TTLL4: variants seen among roughly 807,000 people sequenced by gnomAD.
TTLL4 encodes the protein tubulin monoglutamylase TTLL4.
In TTLL4, 85 loss-of-function variants were observed where a neutral mutation model predicts 122.7. That is an observed-to-expected ratio of 0.69 (90% confidence interval 0.58 to 0.83). The LOEUF is 0.83. TTLL4 is among the 40% of genes least tolerant of loss of function. The pLI is 0.00. For missense variants in TTLL4, 1,363 were observed against 1,488.6 expected (o/e 0.92, Z 1.39); for synonymous variants, 553 against 563.0 (o/e 0.98, Z 0.25).
At chr2:218,735,173 G>A (rs1168221661) in intron 2 of TTLL4, among the ~76,000 whole-genome samples, 1 of 152,132 alleles carries the variant, frequency 6.6e-6, no homozygotes, top group African/African-American at 2.4e-5. Context: ...GCTGTAGACA[G>A]GAATCTTAGT....
intron 3 of TTLL4, among the ~76,000 whole-genome samples, 200 bp from the exon 4 acceptor site, chr2:218,739,858 G>C (rs1484798475): frequency 6.6e-6 from 1 of 152,242 alleles, no homozygotes; most frequent in Non-Finnish European, 1.5e-5. Flanking sequence ...CCTCTTTGCA[G>C]AATGGGAGAT....
chr2:218,733,190 C>G (rs146454450), intron 2 of TTLL4, among the ~76,000 whole-genome samples: 277 of 152,232 alleles, frequency 1.8e-3, no homozygotes, highest in African/African-American at 6.5e-3. Flanking sequence ...ATCCAACTTG[C>G]TATACTACAC....
Position 218,749,299 on chromosome 2 carries a change from C to G in TTLL4, c.2647C>G (p.Pro883Ala), listed in dbSNP as rs1357317128. The G allele has an allele frequency of 6.2e-7, 1 of 1,614,122 alleles. No individual in the cohort carries two copies. The highest frequency in any genetic ancestry group is 1.3e-5 in the African/African-American group (1 of 75,022). ...TSLLKMYVRRPYSCHELFGFD... is the reference protein window; with the variant it reads ...TSLLKMYVRRAYSCHELFGFD... ...CCTGCTCAAGATGTATGTGCGACGG[C>G]CCTATAGCTGCCATGAACTCTTTGG... The change falls in exon 14 of 20, where the codon CCC becomes GCC. Residue 883 changes from proline to alanine, a missense_variant. Coordinates refer to ENST00000392102, the MANE Select transcript of TTLL4 (RefSeq NM_014640.5).
chr2:218,752,751 C>G lies in TTLL4; in HGVS notation c.2977-12C>G, dbSNP rs1441654795. 6.2e-7 allele frequency: 1 copy of G among 1,614,028 alleles called. No homozygotes were observed. The highest frequency in any genetic ancestry group is 2.2e-5 in the East Asian group (1 of 44,872). On this transcript the variant is annotated splice_polypyrimidine_tract_variant and intron_variant, in intron 16 of 19. Coordinates refer to ENST00000392102, the MANE Select transcript of TTLL4 (RefSeq NM_014640.5). ...TCTCACACCCTTTTTCTCCCTGTTC[C>G]TTGGACCACAGGACTTCTATGCATC...
At position 218,749,373 on chromosome 2, in the gene TTLL4, C is replaced by G; in HGVS notation, c.2721C>G (p.Val907=). ...ACCTCAAGCCCTGGGTCCTGGAAGT[C>G]AACATTTCCCCAAGGTAGGTGGTAT... The part of the protein sequence containing the change: ...DENLKPWVLE[V]NISPSLHSSS... Residue 907 remains valine, a synonymous_variant, in exon 14 of 20, where the codon GTC becomes GTG. Coordinates refer to ENST00000392102, the MANE Select transcript of TTLL4 (RefSeq NM_014640.5). 6.2e-7 allele frequency: 1 copy of G among 1,614,074 alleles called. No homozygotes were observed. The highest frequency in any genetic ancestry group is 8.5e-7 in the Non-Finnish European group (1 of 1,180,002).
In TTLL4 at chr2:218,751,562, A is replaced by G. The variant is rs1943014397; in HGVS notation, c.2874-142A>G. 9 of 1,342,184 alleles carry G rather than the reference A, an allele frequency of 6.7e-6. 1 individual carries two copies. Among genetic ancestry groups the G allele is most frequent in the East Asian group, 5.7e-5 (2 of 34,804 alleles). 83.1% of individuals were successfully genotyped at this position (1,342,184 alleles called of 1,614,324 possible). ...CTTCTGGGGAGTGCATTTTAGTCCAACCTACTACTCAAGTAACCTCTGTTC... is the reference window on the plus strand; with the variant it reads ...CTTCTGGGGAGTGCATTTTAGTCCAGCCTACTACTCAAGTAACCTCTGTTC... On this transcript the variant is annotated intron_variant, in intron 15 of 19. Transcript: ENST00000392102.
chr2:218,748,654 C>CAAAAAA (rs570493846), intron 12 of TTLL4, 182 bp from the exon 13 acceptor site: 15 of 229,544 alleles, frequency 6.5e-5, no homozygotes, highest in African/African-American at 1.7e-4. Flanking sequence ...AACTCCATCT[C>CAAAAAA]AAAAAAAAAA....
chr2:218,757,182 C>T (rs974156672), downstream of TTLL4, among the ~76,000 whole-genome samples: 1 of 152,192 alleles, frequency 6.6e-6, no homozygotes, highest in East Asian at 1.9e-4. Context: ...GCCCTGTGCC[C>T]TAGGTGGGAA....
chr2:218,725,656 A>G (rs899768519), intron 1 of TTLL4, among the ~76,000 whole-genome samples: 7 of 151,800 alleles, frequency 4.6e-5, no homozygotes, highest in African/African-American at 1.7e-4. Context: ...CCTGGGTTCA[A>G]GCAATTCTCC....
intron 16 of TTLL4, 104 bp downstream of exon 16, chr2:218,751,910 CT>C (rs552683126): frequency 0.1 from 43,765 of 426,064 alleles, 950 homozygotes; most frequent in African/African-American, 0.24. Flanking sequence ...TTTTCTTTTT[CT>C]TTTTTTTTTT....
At chr2:218,745,649 C>A in intron 6 of TTLL4, 42 bp from the exon 7 acceptor site, 1 of 1,331,172 alleles carries the variant, frequency 7.5e-7, no homozygotes, top group Non-Finnish European at 1.1e-6. Flanking sequence ...ACTCTCTGCT[C>A]CTCTCCATCC....
chr2:218,731,803 C>A (rs1007843789), intron 2 of TTLL4, among the ~76,000 whole-genome samples: 1 of 152,206 alleles, frequency 6.6e-6, no homozygotes, highest in Non-Finnish European at 1.5e-5. Flanking sequence ...TGTCATGAGT[C>A]ACCACAAGGC....
intron 1 of TTLL4, among the ~76,000 whole-genome samples, chr2:218,712,713 C>T (rs867101676): frequency 6.6e-6 from 1 of 151,972 alleles, no homozygotes; most frequent in Admixed American, 6.6e-5. Flanking sequence ...CTAAAACTTC[C>T]CTTACAAAAA....
Position 218,745,137 on chromosome 2 carries a change from C to T in TTLL4, c.1690C>T (p.Leu564Phe). The stretch of plus-strand genomic sequence containing the variant: ...CTGTATGGAAATTCTGACCAAACCC[C>T]TTTCCAATCATGAGAAAGTTGTCCG... ...RSCMEILTKPLSNHEKVVRPA... is the reference protein window; with the variant it reads ...RSCMEILTKPFSNHEKVVRPA... Residue 564 changes from leucine (L) to phenylalanine (F), a missense_variant, in exon 6 of 20, where the codon CTT becomes TTT. Physicochemically the swap from Leu to Phe is conservative, Grantham distance 22 (BLOSUM62 0). Coordinates refer to ENST00000392102, the MANE Select transcript of TTLL4 (RefSeq NM_014640.5). The T allele has an allele frequency of 1.2e-6, 2 of 1,614,028 alleles. No homozygotes were observed. Among genetic ancestry groups the T allele is most frequent in the Non-Finnish European group, 1.7e-6 (2 of 1,179,970 alleles).
chr2:218,748,115 T>A lies in TTLL4; in HGVS notation c.2389T>A (p.Ser797Thr), dbSNP rs1248621963. ...VRFASCKYSP[S>T]MKSLGNKFMH... ...TTTCCTTACTTCCAGGTATTCGCCT[T>A]CCATGAAGAGCCTTGGCAATAAGTT... The change falls in exon 12 of 20, where the codon TCC becomes ACC. Residue 797 changes from serine (S) to threonine (T), a missense_variant. Ser to Thr is a moderately conservative substitution (Grantham distance 58). Transcript: ENST00000392102. The A allele has an allele frequency of 6.2e-7, 1 of 1,614,132 alleles. No homozygotes were observed. The highest frequency in any genetic ancestry group is 1.1e-5 in the South Asian group (1 of 91,080).
At position 218,738,687 on chromosome 2, in the gene TTLL4, T is replaced by A. The variant is rs1352753902; in HGVS notation, c.1011T>A (p.Thr337=). Residue 337 remains threonine (T), a synonymous_variant, in exon 3 of 20, where the codon ACT becomes ACA. Coordinates refer to ENST00000392102, the MANE Select transcript of TTLL4 (RefSeq NM_014640.5). ...SQDPTKEIRF[T]EAVRKLTARG... ...ATCCAACTAAGGAGATTCGGTTCAC[T>A]GAGGCCGTGAGGAAATTGACCGCAA... The A allele has an allele frequency of 6.2e-7, 1 of 1,614,112 alleles. No individual in the cohort carries two copies. Among genetic ancestry groups the A allele is most frequent in the Admixed American group, 1.7e-5 (1 of 60,006 alleles).
Position 218,729,732 on chromosome 2 carries a change from C to T in TTLL4, c.-99+2385C>T, listed in dbSNP as rs1575165704. On this transcript the variant is annotated intron_variant, in intron 2 of 19. Transcript: ENST00000392102. ...TATTTGATAAATGTTTTAGGATTTT[C>T]TTTTCTCTCTCTTTTTAAAAAAAAA... Among the ~76,000 whole-genome samples the T allele has an allele frequency of 3.2e-5, 4 of 126,536 alleles. No homozygotes were observed. In the Admixed American group the frequency reaches 3.3e-4, roughly 11 times the overall value. 83.0% of individuals were successfully genotyped at this position (126,536 alleles called of 152,430 possible). A position where few individuals can be genotyped will look rare whatever the true frequency, so the allele number is the denominator to read the frequency against.
Position 218,738,383 on chromosome 2 carries a change from C to T in TTLL4, c.707C>T (p.Thr236Ile). ...NSTPVPLLQTTQGLKPVSPPK... is the reference protein window; with the variant it reads ...NSTPVPLLQTIQGLKPVSPPK... Reference sequence around the variant, plus strand: ...ACGCCAGTGCCTTTATTGCAGACCACACAGGGCCTGAAGCCAGTATCGCCA... The same window carrying T: ...ACGCCAGTGCCTTTATTGCAGACCATACAGGGCCTGAAGCCAGTATCGCCA... The change falls in exon 3 of 20, where the codon ACA becomes ATA. Residue 236 changes from threonine (T) to isoleucine (I), a missense_variant. This residue lies in a region of TTLL4 where 760 missense variants were observed against 808.4 expected (regional missense o/e 0.94). Coordinates refer to ENST00000392102, the MANE Select transcript of TTLL4 (RefSeq NM_014640.5). The T allele has an allele frequency of 6.2e-7, 1 of 1,614,184 alleles. No homozygotes were observed.
chr2:218,749,867 T>C lies in TTLL4; in HGVS notation c.2736-142T>C. ...TCTTTGGGGCAAGAGAGTCTTGTGA[T>C]GGTGATCCTGCATGGGGATGTTTGA... is the stretch of plus-strand genomic sequence containing the variant. On this transcript the variant is annotated intron_variant, in intron 14 of 19. Coordinates refer to ENST00000392102, the MANE Select transcript of TTLL4 (RefSeq NM_014640.5). 4 of 1,129,628 alleles carry C rather than the reference T, an allele frequency of 3.5e-6. No homozygotes were observed. The South Asian group carries it at 6.0e-5, about 17-fold the overall frequency. The allele number at this position is 1,129,628 out of a possible 1,614,324, so 70.0% of individuals were successfully genotyped here.
Sources: gnomAD v4.1 joint callset for allele counts (sites outside exome capture counted in the v4.1 genomes callset) on GRCh38, gnomAD v4.1.1 for gene constraint, gnomAD v4.1.1 regional missense constraint, MANE v1.5 for transcripts, NCBI Gene and HGNC (gene_info 2026-07-23, HGNC 2026-07-21) for gene names.